UGCG: variants seen among roughly 807,000 people sequenced by gnomAD.
UGCG encodes ceramide glucosyltransferase.
UGCG carries 10 observed loss-of-function variants against 49.5 expected under a neutral mutation model. The ratio of observed to expected loss-of-function variants is 0.20; its 90% CI spans 0.12 to 0.34. UGCG has a LOEUF of 0.34. Ranked by LOEUF, UGCG falls within the 10% of genes least tolerant of loss-of-function variation. UGCG has a pLI of 1.00. For missense variants in UGCG, 312 were observed against 483.7 expected (o/e 0.65, Z 3.33); for synonymous variants, 182 against 158.2 (o/e 1.15, Z -1.13).
At chr9:111,929,330 G>C (rs1838379416) in intron 5 of UGCG, 170 bp from the exon 6 acceptor site, 1 of 565,846 alleles carries the variant, frequency 1.8e-6, no homozygotes, top group African/African-American at 2.0e-5. Flanking sequence ...AACTGTGCTT[G>C]CTCTATGAAA....
intron 8 of UGCG, 83 bp downstream of exon 8, chr9:111,932,442 A>T: frequency 7.4e-7 from 1 of 1,350,196 alleles, no homozygotes. Context: ...AAGGAAATGT[A>T]TCTGAGCCAT....
chr9:111,914,554 T>A, intron 1 of UGCG, 51 bp from the exon 2 acceptor site: 1 of 1,556,000 alleles, frequency 6.4e-7, no homozygotes, highest in Non-Finnish European at 8.8e-7. Context: ...GTGCTTTGAT[T>A]TGACACTAAT....
At chr9:111,923,076 G>A (rs2118573534) in intron 3 of UGCG, 125 bp downstream of exon 3, 2 of 550,990 alleles carry the variant, frequency 3.6e-6, no homozygotes, top group Non-Finnish European at 5.9e-6. Context: ...GGAGTACTGA[G>A]AGGTGTTTAC....
Position 111,923,008 on chromosome 9 carries a change from T to G in UGCG, c.343+57T>G, listed in dbSNP as rs1838254301. The G allele has an allele frequency of 6.1e-6, 7 of 1,153,390 alleles. No homozygotes were observed. In the Admixed American group the frequency reaches 1.3e-4, roughly 22 times the overall value. The allele number at this position is 1,153,390 out of a possible 1,614,324, so 71.4% of individuals were successfully genotyped here. ...CATTGATAGTATTAAGTATCAGTAATCTCTGCATTGAACTGAAGATTAAGG... is the reference window on the plus strand; with the variant it reads ...CATTGATAGTATTAAGTATCAGTAAGCTCTGCATTGAACTGAAGATTAAGG... On this transcript the variant is annotated intron_variant, in intron 3 of 8. Transcript: ENST00000374279.
intron 2 of UGCG, among the ~76,000 whole-genome samples, chr9:111,920,285 T>G (rs1043949939): frequency 6.6e-6 from 1 of 152,208 alleles, no homozygotes; most frequent in Non-Finnish European, 1.5e-5. Context: ...TGTTTTTCAT[T>G]TGACAAAAAA....
At chr9:111,928,522 A>C (rs747219819) in intron 5 of UGCG, among the ~76,000 whole-genome samples, 2 of 152,240 alleles carry the variant, frequency 1.3e-5, no homozygotes, top group African/African-American at 4.8e-5. Context: ...CATTCAGCTC[A>C]GTGACTAACA....
chr9:111,917,513 A>G (rs1838131975), intron 2 of UGCG, among the ~76,000 whole-genome samples: 1 of 152,240 alleles, frequency 6.6e-6, no homozygotes, highest in Non-Finnish European at 1.5e-5. Context: ...TCGTTTTACC[A>G]GAGTATGGAA....
At chr9:111,932,423 A>G (rs1228573964) in intron 8 of UGCG, 64 bp downstream of exon 8, 2 of 1,479,104 alleles carry the variant, frequency 1.4e-6, no homozygotes, top group Non-Finnish European at 1.8e-6. Context: ...TTCAATTTAG[A>G]AAAAGTTGAA....
At chr9:111,909,508 G>T (rs1418555481) in intron 1 of UGCG, among the ~76,000 whole-genome samples, 1 of 152,178 alleles carries the variant, frequency 6.6e-6, no homozygotes, top group Non-Finnish European at 1.5e-5. Flanking sequence ...TAAGAGTTTT[G>T]TAAGGAGAAG....
At chr9:111,918,952 C>CAAAAAAACA (rs777218273) in intron 2 of UGCG, among the ~76,000 whole-genome samples, 1 of 146,518 alleles carries the variant, frequency 6.8e-6, no homozygotes, top group Non-Finnish European at 1.5e-5. Flanking sequence ...AACAAAAAAA[C>CAAAAAAACA]AAAAAAAAAC....
At chr9:111,915,209 A>T (rs560086871) in intron 2 of UGCG, among the ~76,000 whole-genome samples, 6 of 152,206 alleles carry the variant, frequency 3.9e-5, no homozygotes, top group Non-Finnish European at 8.8e-5. Flanking sequence ...GTAGGGTTTC[A>T]TCTTACCTCA....
chr9:111,927,153 G>A (rs2118589746), intron 5 of UGCG, among the ~76,000 whole-genome samples: 1 of 152,148 alleles, frequency 6.6e-6, no homozygotes, highest in African/African-American at 2.4e-5. Flanking sequence ...TTACGGGCAT[G>A]AGCCACTGCG....
intron 3 of UGCG, among the ~76,000 whole-genome samples, chr9:111,923,654 G>T (rs914645623): frequency 6.6e-6 from 1 of 150,414 alleles, no homozygotes; most frequent in Non-Finnish European, 1.5e-5. Context: ...TCTTTGATAC[G>T]AATTTTTTGC....
Position 111,897,200 on chromosome 9 carries a change from T to G in UGCG, c.-16T>G, listed in dbSNP as rs929332761. On this transcript the variant is annotated 5_prime_UTR_variant, in exon 1 of 9. Coordinates refer to ENST00000374279, the MANE Select transcript of UGCG (RefSeq NM_003358.3). ...TGGCGGCCGCAGCGGGCCGGGCCGG[T>G]CCGGCGGGCCGGGGGATGGCGCTGC... 28 of 1,540,510 alleles carry G rather than the reference T, an allele frequency of 1.8e-5. No homozygotes were observed. The highest frequency in any genetic ancestry group is 2.2e-4 in the Middle Eastern group (1 of 4,554).
intron 1 of UGCG, among the ~76,000 whole-genome samples, chr9:111,911,712 A>G (rs1837997470): frequency 2.0e-5 from 3 of 151,810 alleles, no homozygotes; most frequent in African/African-American, 7.3e-5. Flanking sequence ...AGCCTGGGCA[A>G]TATAGTGAGA....
At chr9:111,929,399 C>A in intron 5 of UGCG, 101 bp from the exon 6 acceptor site, 1 of 1,203,062 alleles carries the variant, frequency 8.3e-7, no homozygotes. Context: ...AAGATATTCA[C>A]TCAATCATAC....
chr9:111,932,762 AT>A, intron 8 of UGCG, 64 bp from the exon 9 acceptor site: 5 of 1,420,954 alleles, frequency 3.5e-6, no homozygotes, highest in Non-Finnish European at 4.7e-6. Context: ...CAAGAATTTA[AT>A]TTTTTAACCT....
At chr9:111,898,802 TGAGA>T (rs1225286277) in intron 1 of UGCG, among the ~76,000 whole-genome samples, 1 of 151,790 alleles carries the variant, frequency 6.6e-6, no homozygotes, top group African/African-American at 2.4e-5. Flanking sequence ...TGTGTGTGTG[TGAGA>T]GAGAGAGAAG....
intron 1 of UGCG, among the ~76,000 whole-genome samples, chr9:111,906,622 G>GT (rs995550772): frequency 6.6e-6 from 1 of 151,934 alleles, no homozygotes; most frequent in African/African-American, 2.4e-5. Context: ...TAGAGACGGG[G>GT]TTTCACCATG....
Sources: allele counts gnomAD v4.1 joint callset (sites outside exome capture counted in the v4.1 genomes callset), GRCh38; gene constraint gnomAD v4.1.1; transcripts MANE v1.5; gene names NCBI Gene and HGNC (gene_info 2026-07-23, HGNC 2026-07-21).